The following PPARGC1A variants were observed in gnomAD, a reference collection of about 807,000 sequenced individuals.
PPARGC1A encodes PPARG coactivator 1 alpha.
In PPARGC1A, 25 loss-of-function variants were observed where a neutral mutation model predicts 88.7. The observed-to-expected ratio is 0.28, with a 90% CI of 0.21 to 0.39. PPARGC1A has a LOEUF of 0.39. Among genes scored for constraint, PPARGC1A ranks in the 10% least tolerant of loss-of-function variants. The pLI, the probability that PPARGC1A is intolerant of heterozygous loss-of-function variation, is 1.00. For synonymous variants in PPARGC1A, 363 were observed against 355.6 expected (o/e 1.02, Z -0.24); for missense variants, 880 against 968.7 (o/e 0.91, Z 1.22).
the PPARGC1A span, among the ~76,000 whole-genome samples, chr4:24,033,568 A>C: frequency 6.6e-6 from 1 of 152,218 alleles, no homozygotes; most frequent in African/African-American, 2.4e-5. Flanking sequence ...GGGTTTTGCT[A>C]TTCCATTTAG....
At chr4:24,466,376 T>C in the PPARGC1A span, among the ~76,000 whole-genome samples, 1 of 152,224 alleles carries the variant, frequency 6.6e-6, no homozygotes, top group African/African-American at 2.4e-5. Context: ...TTCTGTGTTG[T>C]AGCAGAAAGT....
At chr4:24,402,913 C>T in the PPARGC1A span, among the ~76,000 whole-genome samples, 1 of 152,200 alleles carries the variant, frequency 6.6e-6, no homozygotes, top group Non-Finnish European at 1.5e-5. Flanking sequence ...TAATGTATCC[C>T]CACAGCCTAG....
At chr4:24,440,971 C>T in the PPARGC1A span, among the ~76,000 whole-genome samples, 11 of 152,332 alleles carry the variant, frequency 7.2e-5, no homozygotes, top group East Asian at 1.9e-4. Flanking sequence ...CAACGATTGA[C>T]GGAGAAGCAG....
At chr4:24,256,416 G>A in the PPARGC1A span, among the ~76,000 whole-genome samples, 1 of 152,166 alleles carries the variant, frequency 6.6e-6, no homozygotes, top group Admixed American at 6.5e-5. Context: ...GTTCAGAGCT[G>A]TTTAAATTCT....
the PPARGC1A span, among the ~76,000 whole-genome samples, chr4:24,274,394 A>G: frequency 1.3e-5 from 2 of 152,148 alleles, no homozygotes; most frequent in African/African-American, 4.8e-5. Flanking sequence ...CATTTTCTGT[A>G]AAGGGCCAGA....
At chr4:24,373,194 CA>C in the PPARGC1A span, among the ~76,000 whole-genome samples, 1 of 152,156 alleles carries the variant, frequency 6.6e-6, no homozygotes, top group Non-Finnish European at 1.5e-5. Context: ...GGCTAATGGT[CA>C]AAGGGACCTA....
At chr4:24,378,043 A>C in the PPARGC1A span, among the ~76,000 whole-genome samples, 32,695 of 152,128 alleles carry the variant, frequency 0.21, 3,588 homozygotes, top group East Asian at 0.31. Flanking sequence ...TGTTCTTTAA[A>C]ATACTAATCT....
the PPARGC1A span, among the ~76,000 whole-genome samples, chr4:24,175,538 C>CTTTT: frequency 5.4e-4 from 46 of 84,878 alleles, no homozygotes; most frequent in African/African-American, 1.1e-3. Flanking sequence ...CCACACCAAG[C>CTTTT]TTTTTTTTTT....
At chr4:24,243,051 T>C in the PPARGC1A span, among the ~76,000 whole-genome samples, 1 of 152,230 alleles carries the variant, frequency 6.6e-6, no homozygotes, top group African/African-American at 2.4e-5. Flanking sequence ...GACTCATGTC[T>C]TTCTCTTCCA....
At chr4:24,066,341 CA>C in the PPARGC1A span, among the ~76,000 whole-genome samples, 1 of 152,040 alleles carries the variant, frequency 6.6e-6, no homozygotes, top group African/African-American at 2.4e-5. Context: ...AGAAAAACAA[CA>C]ATGACAAAAA....
In PPARGC1A at chr4:23,792,584, G is replaced by A. The variant is rs1056932388; in HGVS notation, c.*3238C>T. ...AAAAATTGATTTTGTTGCACTGGAA[G>A]AATTATTCTGCTACATCTCTTTTAA... On this transcript the variant is annotated 3_prime_UTR_variant, in exon 13 of 13. Coordinates refer to ENST00000264867, the MANE Select transcript of PPARGC1A (RefSeq NM_013261.5). The A allele has an allele frequency of 6.6e-6, 1 of 152,158 alleles. No individual in the cohort carries two copies. Among genetic ancestry groups the A allele is most frequent in the Admixed American group, 6.6e-5 (1 of 15,198 alleles). 9.4% of individuals were successfully genotyped at this position (152,158 alleles called of 1,614,324 possible). A position where few individuals can be genotyped will look rare whatever the true frequency, so the allele number is the denominator to read the frequency against.
intron 10 of PPARGC1A, among the ~76,000 whole-genome samples, chr4:23,811,889 C>CCTTTTT (rs1720963463): frequency 3.4e-5 from 2 of 59,086 alleles, no homozygotes; most frequent in African/African-American, 1.3e-4. Flanking sequence ...GAAGAAATGA[C>CCTTTTT]TTTTTTTTTT....
the PPARGC1A span, among the ~76,000 whole-genome samples, chr4:24,069,901 T>C: frequency 6.6e-6 from 1 of 152,178 alleles, no homozygotes; most frequent in Admixed American, 6.5e-5. Flanking sequence ...CCAGGCCCTA[T>C]AAACTCTAAA....
At chr4:23,919,833 G>A in the PPARGC1A span, among the ~76,000 whole-genome samples, 2 of 152,188 alleles carry the variant, frequency 1.3e-5, no homozygotes. Context: ...AGCAGGTAGA[G>A]GACAAAGAAA....
chr4:24,409,607 T>C, the PPARGC1A span, among the ~76,000 whole-genome samples: 2 of 152,224 alleles, frequency 1.3e-5, no homozygotes. Context: ...ACCTACCATG[T>C]AAATGATGTT....
the PPARGC1A span, among the ~76,000 whole-genome samples, chr4:24,276,960 CTTCTG>C: frequency 6.6e-6 from 1 of 152,208 alleles, no homozygotes; most frequent in Non-Finnish European, 1.5e-5. Flanking sequence ...CCATGTAGCT[CTTCTG>C]AGTACAGACC....
the PPARGC1A span, among the ~76,000 whole-genome samples, chr4:24,172,615 T>C: frequency 6.6e-6 from 1 of 152,218 alleles, no homozygotes; most frequent in African/African-American, 2.4e-5. Context: ...AATGTGCTCA[T>C]GGGCTGAATG....
chr4:24,389,454 T>G, the PPARGC1A span, among the ~76,000 whole-genome samples: 1 of 152,222 alleles, frequency 6.6e-6, no homozygotes, highest in African/African-American at 2.4e-5. Context: ...AAAAGCTCTG[T>G]GCTTCTGGTT....
At chr4:24,239,068 A>C in the PPARGC1A span, among the ~76,000 whole-genome samples, 1 of 152,210 alleles carries the variant, frequency 6.6e-6, no homozygotes, top group African/African-American at 2.4e-5. Flanking sequence ...TAGTATAATA[A>C]GTTGGATATC....
Sources: gnomAD v4.1 joint callset for allele counts (sites outside exome capture counted in the v4.1 genomes callset) on GRCh38, gnomAD v4.1.1 for gene constraint, MANE v1.5 for transcripts, NCBI Gene and HGNC (gene_info 2026-07-23, HGNC 2026-07-21) for gene names.